The following RAB1A variants were observed in gnomAD, a reference collection of about 807,000 sequenced individuals.
The protein encoded by RAB1A is RAB1A, member RAS oncogene family.
RAB1A carries 2 observed loss-of-function variants against 26.0 expected under a neutral mutation model. The observed-to-expected ratio is 0.08, with a 90% CI of 0.03 to 0.24. The LOEUF (loss-of-function observed/expected upper bound fraction) is 0.24. RAB1A is among the 10% of genes least tolerant of loss of function. The probability of loss-of-function intolerance (pLI) is 1.00; values close to 1 mark genes in which losing one functional copy is unlikely to be tolerated. For synonymous variants in RAB1A, 84 were observed against 84.9 expected, an observed-to-expected ratio of 0.99 and a Z score of 0.06; for missense variants, 100 against 247.0, an observed-to-expected ratio of 0.40 and a Z score of 3.99.
At chr2:65,127,110 G>C (rs1243716758) in intron 1 of RAB1A, among the ~76,000 whole-genome samples, 1 of 152,094 alleles carries the variant, frequency 6.6e-6, no homozygotes, top group Non-Finnish European at 1.5e-5. Context: ...TTTGATCCCA[G>C]AAAAAATATA....
chr2:65,113,270 T>C (rs1444012191), intron 1 of RAB1A, among the ~76,000 whole-genome samples: 2 of 152,216 alleles, frequency 1.3e-5, no homozygotes, highest in Non-Finnish European at 2.9e-5. Context: ...TGTACATTTA[T>C]GATCTGAACA....
chr2:65,122,135 G>A (rs568023210), intron 1 of RAB1A, among the ~76,000 whole-genome samples: 122 of 128,202 alleles, frequency 9.5e-4, no homozygotes, highest in African/African-American at 3.3e-3. Context: ...CAGCCTGGGT[G>A]ACAGAGCAAG....
At chr2:65,090,778 C>T (rs935747249) in intron 4 of RAB1A, among the ~76,000 whole-genome samples, 9 of 152,168 alleles carry the variant, frequency 5.9e-5, no homozygotes, top group Admixed American at 3.9e-4. Context: ...TGAAAGCAAA[C>T]GTAAAACTAA....
At chr2:65,121,129 G>A (rs1487952526) in intron 1 of RAB1A, among the ~76,000 whole-genome samples, 1 of 150,910 alleles carries the variant, frequency 6.6e-6, no homozygotes, top group Non-Finnish European at 1.5e-5. Flanking sequence ...AGTTACTCAG[G>A]AGGCTGAGAC....
intron 1 of RAB1A, among the ~76,000 whole-genome samples, chr2:65,119,352 A>T (rs544825071): frequency 6.6e-6 from 1 of 152,126 alleles, no homozygotes; most frequent in Admixed American, 6.5e-5. Flanking sequence ...CTAAAAATAC[A>T]CAAAATTAGC....
intron 2 of RAB1A, among the ~76,000 whole-genome samples, chr2:65,099,060 C>T (rs918788021): frequency 1.2e-4 from 18 of 152,114 alleles, no homozygotes; most frequent in African/African-American, 4.1e-4. Flanking sequence ...TGGTCTCAAA[C>T]TCCTGACCTC....
Position 65,130,009 on chromosome 2 carries a change from A to C in RAB1A, c.-94T>G, listed in dbSNP as rs1364712971. On this transcript the variant is annotated 5_prime_UTR_variant, in exon 1 of 6. Coordinates refer to ENST00000409784, the MANE Select transcript of RAB1A (RefSeq NM_004161.5). Reference sequence around the variant, plus strand: ...CACGGGTAATCGAAAGAAAGGAATGAGATAGGCTGTTCCGGGAGAGCAAAC... The same window carrying C: ...CACGGGTAATCGAAAGAAAGGAATGCGATAGGCTGTTCCGGGAGAGCAAAC... 12 of 1,383,072 alleles carry C rather than the reference A, an allele frequency of 8.7e-6. No homozygotes were observed. Among genetic ancestry groups the C allele is most frequent in the Non-Finnish European group, 1.2e-5 (12 of 995,680 alleles). 85.7% of individuals were successfully genotyped at this position (1,383,072 alleles called of 1,614,324 possible).
chr2:65,109,052 G>A (rs1017598447), intron 1 of RAB1A, among the ~76,000 whole-genome samples: 1 of 152,174 alleles, frequency 6.6e-6, no homozygotes, highest in African/African-American at 2.4e-5. Context: ...AGCGTGATCA[G>A]TGACACGTTA....
chr2:65,113,125 G>C (rs1194063706), intron 1 of RAB1A, among the ~76,000 whole-genome samples: 2 of 152,156 alleles, frequency 1.3e-5, no homozygotes, highest in Non-Finnish European at 2.9e-5. Context: ...TTGCTTAACA[G>C]ATGGGGAAAA....
intron 1 of RAB1A, among the ~76,000 whole-genome samples, chr2:65,120,229 G>A (rs1054961885): frequency 1.3e-5 from 2 of 151,832 alleles, no homozygotes; most frequent in Non-Finnish European, 2.9e-5. Context: ...AGGCCGAGGC[G>A]GGAGGATCAC....
chr2:65,099,339 G>T (rs1047933114), intron 2 of RAB1A, among the ~76,000 whole-genome samples: 2 of 151,914 alleles, frequency 1.3e-5, no homozygotes, highest in African/African-American at 2.4e-5. Flanking sequence ...ACTGCTTCTT[G>T]CAAGTACCTG....
intron 3 of RAB1A, among the ~76,000 whole-genome samples, chr2:65,095,146 AG>A (rs1209288611): frequency 4.6e-5 from 7 of 152,256 alleles, no homozygotes; most frequent in Middle Eastern, 3.4e-3. Flanking sequence ...AAGAATCACT[AG>A]GAATAAATAA....
At chr2:65,090,505 C>G (rs1276119999) in intron 4 of RAB1A, among the ~76,000 whole-genome samples, 2 of 152,170 alleles carry the variant, frequency 1.3e-5, no homozygotes. Context: ...CATTCTCATA[C>G]TAAGATCCTC....
chr2:65,107,596 T>A (rs537905962), intron 1 of RAB1A, among the ~76,000 whole-genome samples: 2 of 152,226 alleles, frequency 1.3e-5, no homozygotes, highest in Admixed American at 1.3e-4. Context: ...CAAGTGATTC[T>A]CAGGCCTCAG....
chr2:65,106,609 C>G (rs1198894528), intron 1 of RAB1A, among the ~76,000 whole-genome samples: 1 of 106,634 alleles, frequency 9.4e-6, no homozygotes, highest in Non-Finnish European at 2.1e-5. Context: ...TTTAAAAATC[C>G]CAAGTGCCAG....
chr2:65,113,222 T>C (rs1254636962), intron 1 of RAB1A, among the ~76,000 whole-genome samples: 1 of 152,212 alleles, frequency 6.6e-6, no homozygotes, highest in African/African-American at 2.4e-5. Context: ...TCAATTTCCA[T>C]TATTTGTTTG....
intron 2 of RAB1A, among the ~76,000 whole-genome samples, chr2:65,100,400 CAAAAAAA>C (rs34166798): frequency 1.7e-5 from 1 of 57,976 alleles, no homozygotes. Context: ...GTCTCTGTCT[CAAAAAAA>C]AAAAAAAAAA....
At chr2:65,100,436 T>C (rs1669396202) in intron 2 of RAB1A, among the ~76,000 whole-genome samples, 1 of 143,388 alleles carries the variant, frequency 7.0e-6, no homozygotes, top group Non-Finnish European at 1.5e-5. Context: ...TATGTTGTAA[T>C]TGAGTGCCTA....
At position 65,129,978 on chromosome 2, in the gene RAB1A, C is replaced by T; in HGVS notation, c.-63G>A. The T allele has an allele frequency of 6.5e-7, 1 of 1,535,454 alleles. No individual in the cohort carries two copies. Among genetic ancestry groups the T allele is most frequent in the Non-Finnish European group, 8.8e-7 (1 of 1,130,254 alleles). On this transcript the variant is annotated 5_prime_UTR_variant, in exon 1 of 6. Transcript: ENST00000409784. ...CTGCCGCAGCCGCCGCCCTGACTCT[C>T]CGCGCCACGGGTAATCGAAAGAAAG...
Sources: allele counts gnomAD v4.1 joint callset (sites outside exome capture counted in the v4.1 genomes callset), GRCh38; gene constraint gnomAD v4.1.1; transcripts MANE v1.5; gene names NCBI Gene and HGNC (gene_info 2026-07-23, HGNC 2026-07-21).